CCSER1: variants seen among roughly 807,000 people sequenced by gnomAD.
CCSER1 encodes the protein serine-rich coiled-coil domain-containing protein 1.
In CCSER1, 41 loss-of-function variants were observed where a neutral mutation model predicts 82.0. That is an observed-to-expected ratio of 0.50 (90% confidence interval 0.39 to 0.65). The LOEUF is 0.65. Among genes scored for constraint, CCSER1 ranks in the 30% least tolerant of loss-of-function variants. The pLI is 0.00. For synonymous variants in CCSER1, 414 were observed against 383.9 expected (o/e 1.08, Z -0.92); for missense variants, 1,119 against 1,064.2 (o/e 1.05, Z -0.72).
chr4:91,561,813 T>C (rs1762664374), intron 10 of CCSER1, among the ~76,000 whole-genome samples: 1 of 151,538 alleles, frequency 6.6e-6, no homozygotes, highest in Non-Finnish European at 1.5e-5. Flanking sequence ...CTGTCACATA[T>C]CTACTCCTAA....
chr4:91,085,928 A>C (rs1473637852), intron 9 of CCSER1, 22 bp from the exon 10 acceptor site: 33 of 1,373,150 alleles, frequency 2.4e-5, no homozygotes, highest in Non-Finnish European at 6.1e-6. Flanking sequence ...CAATAATAAT[A>C]TACTTTGCTT....
chr4:91,173,663 C>T (rs1193752689), intron 10 of CCSER1, among the ~76,000 whole-genome samples: 3 of 150,818 alleles, frequency 2.0e-5, no homozygotes, highest in Non-Finnish European at 2.9e-5. Flanking sequence ...TTGCTACATT[C>T]CAGGAAAAGA....
At chr4:91,308,000 G>C (rs1045340349) in intron 10 of CCSER1, among the ~76,000 whole-genome samples, 2 of 151,826 alleles carry the variant, frequency 1.3e-5, no homozygotes, top group African/African-American at 4.8e-5. Flanking sequence ...TTATGCATCT[G>C]GGTGTTAAAC....
intron 8 of CCSER1, among the ~76,000 whole-genome samples, chr4:90,877,715 G>GAA (rs983129027): frequency 7.2e-6 from 1 of 138,550 alleles, no homozygotes; most frequent in African/African-American, 2.6e-5. Flanking sequence ...GAAAAAAAAA[G>GAA]AAAAAAAAAA....
chr4:91,573,964 AG>A (rs1333426940), intron 10 of CCSER1, among the ~76,000 whole-genome samples: 1 of 152,178 alleles, frequency 6.6e-6, no homozygotes, highest in Non-Finnish European at 1.5e-5. Context: ...AGGAGGTGAA[AG>A]ATCTGCACAT....
In CCSER1 at chr4:91,211,929, T is replaced by G. The variant is rs540748202; in HGVS notation, c.2217+125935T>G. 6.6e-5 allele frequency among the ~76,000 whole-genome samples: 10 copies of G among 152,196 alleles called. 1 individual carries two copies. The highest frequency in any genetic ancestry group is 4.1e-4 in the South Asian group (2 of 4,822). ...TTGTGGAAGAGAAATGGAAGAAATA[T>G]ATAAAATGCCACCAAGGATTACCAT... On this transcript the variant is annotated intron_variant, in intron 10 of 10. Transcript: ENST00000509176.
chr4:90,410,858 C>T (rs1251162412), intron 4 of CCSER1, among the ~76,000 whole-genome samples: 1 of 152,094 alleles, frequency 6.6e-6, no homozygotes, highest in East Asian at 1.9e-4. Flanking sequence ...AAAGGATCAA[C>T]AAAATTGATA....
Position 90,870,918 on chromosome 4 carries a change from T to C in CCSER1, c.2095-52452T>C, listed in dbSNP as rs192918424. Among the ~76,000 whole-genome samples the C allele has an allele frequency of 1.9e-4, 29 of 150,924 alleles. No individual in the cohort carries two copies. In the East Asian group the frequency reaches 5.7e-3, roughly 29 times the overall value. On this transcript the variant is annotated intron_variant, in intron 8 of 10. Coordinates refer to ENST00000509176, the MANE Select transcript of CCSER1 (RefSeq NM_001145065.2). Reference sequence around the variant, plus strand: ...TTGGTTTTCTTTATGGCTAAATTTTTTGGGTTGAATATCCTCAAAATATAT... The same window carrying C: ...TTGGTTTTCTTTATGGCTAAATTTTCTGGGTTGAATATCCTCAAAATATAT...
chr4:90,412,142 G>A (rs1003987111), intron 4 of CCSER1, among the ~76,000 whole-genome samples: 6 of 151,908 alleles, frequency 3.9e-5, no homozygotes, highest in Admixed American at 6.6e-5. Flanking sequence ...CCTTAAGAAA[G>A]GATGAGTTCA....
intron 5 of CCSER1, among the ~76,000 whole-genome samples, chr4:90,500,938 AAAAC>A (rs1414461930): frequency 6.6e-6 from 1 of 152,056 alleles, no homozygotes. Context: ...ATTCTGACTA[AAAAC>A]AAACAAAAAA....
chr4:91,593,409 G>T (rs1764359164), intron 10 of CCSER1, among the ~76,000 whole-genome samples: 1 of 148,928 alleles, frequency 6.7e-6, no homozygotes, highest in African/African-American at 2.5e-5. Flanking sequence ...AAAAAACAGG[G>T]TATAATTTTA....
chr4:90,613,283 C>T (rs992756192), intron 5 of CCSER1, among the ~76,000 whole-genome samples: 1 of 152,120 alleles, frequency 6.6e-6, no homozygotes, highest in Non-Finnish European at 1.5e-5. Context: ...TCTTAGAGAA[C>T]TGAGATAGAA....
At chr4:90,596,001 C>T (rs1783289900) in intron 5 of CCSER1, among the ~76,000 whole-genome samples, 1 of 151,864 alleles carries the variant, frequency 6.6e-6, no homozygotes, top group Non-Finnish European at 1.5e-5. Flanking sequence ...CTAACTGATT[C>T]TTGGATTCCA....
chr4:91,103,724 T>C (rs1725318887), intron 10 of CCSER1, among the ~76,000 whole-genome samples: 1 of 152,210 alleles, frequency 6.6e-6, no homozygotes, highest in Non-Finnish European at 1.5e-5. Context: ...GATAATTATG[T>C]TAACTGTACA....
Position 91,533,711 on chromosome 4 carries a change from A to T in CCSER1, c.2218-64861A>T, listed in dbSNP as rs138962342. Among the ~76,000 whole-genome samples, 230 of 152,160 alleles carry T rather than the reference A, an allele frequency of 1.5e-3. 2 individuals carry two copies. The highest frequency in any genetic ancestry group is 5.3e-3 in the African/African-American group (219 of 41,564). On this transcript the variant is annotated intron_variant, in intron 10 of 10. Transcript: ENST00000509176. ...TTTAATGCAGTTGAGTTCTGTGTGT[A>T]TATCAGGAAAAATGAAAAAAAAAAT...
At chr4:90,717,239 A>T (rs1017699884) in intron 6 of CCSER1, among the ~76,000 whole-genome samples, 1 of 152,174 alleles carries the variant, frequency 6.6e-6, no homozygotes, top group Admixed American at 6.6e-5. Flanking sequence ...TTCAAAGCAA[A>T]TGGATTGAAA....
intron 9 of CCSER1, among the ~76,000 whole-genome samples, chr4:90,967,058 ATAAAT>A (rs1354798493): frequency 2.0e-5 from 3 of 152,112 alleles, no homozygotes; most frequent in South Asian, 2.1e-4. Flanking sequence ...AGAGAGATTG[ATAAAT>A]TAAATAGAAT....
chr4:90,278,730 C>T (rs934745849), intron 1 of CCSER1, among the ~76,000 whole-genome samples: 1 of 151,986 alleles, frequency 6.6e-6, no homozygotes. Context: ...GGGTACTATG[C>T]TCACTACCTG....
At chr4:90,948,755 T>C (rs1732560218) in intron 9 of CCSER1, among the ~76,000 whole-genome samples, 1 of 152,028 alleles carries the variant, frequency 6.6e-6, no homozygotes, top group Non-Finnish European at 1.5e-5. Flanking sequence ...AGCATAATTT[T>C]ATTTCTCAGT....
Sources: allele counts gnomAD v4.1 joint callset (sites outside exome capture counted in the v4.1 genomes callset), GRCh38; gene constraint gnomAD v4.1.1; transcripts MANE v1.5; gene names NCBI Gene and HGNC (gene_info 2026-07-23, HGNC 2026-07-21).